The following SH3GL3 variants were observed in gnomAD, a reference collection of about 807,000 sequenced individuals.
SH3GL3 encodes the protein endophilin-A3.
SH3GL3 carries 33 observed loss-of-function variants against 47.7 expected under a neutral mutation model. That is an observed-to-expected ratio of 0.69 (90% confidence interval 0.52 to 0.92). The LOEUF is 0.92. Ranked by LOEUF, SH3GL3 falls within the 40% of genes least tolerant of loss-of-function variation. SH3GL3 has a pLI of 0.00. For missense variants in SH3GL3, 363 were observed against 417.8 expected (o/e 0.87, Z 1.14); for synonymous variants, 155 against 148.8 (o/e 1.04, Z -0.30).
chr15:83,513,334 A>T (rs1357721750), intron 1 of SH3GL3, among the ~76,000 whole-genome samples: 1 of 152,182 alleles, frequency 6.6e-6, no homozygotes, highest in Non-Finnish European at 1.5e-5. Context: ...AGGCCATGGA[A>T]AGATAAGGCA....
At chr15:83,576,297 A>G (rs2059674826) in intron 5 of SH3GL3, among the ~76,000 whole-genome samples, 1 of 152,218 alleles carries the variant, frequency 6.6e-6, no homozygotes, top group Non-Finnish European at 1.5e-5. Context: ...ACGTTGGAAA[A>G]TAATATCTGA....
At chr15:83,590,327 CTT>C (rs149364376) in intron 8 of SH3GL3, among the ~76,000 whole-genome samples, 3,687 of 152,080 alleles carry the variant, frequency 0.024, 166 homozygotes, top group African/African-American at 0.083. Context: ...TTGCTTGTGA[CTT>C]TACATTTTGT....
At position 83,448,236 on chromosome 15, in the gene SH3GL3, C is replaced by A. The variant is rs72758393; in HGVS notation, c.45+658C>A. ...TGCAGGGGAGACACGGAGACAGACACGTAAACAAACAGTGCTAGACACACC... is the reference window on the plus strand; with the variant it reads ...TGCAGGGGAGACACGGAGACAGACAAGTAAACAAACAGTGCTAGACACACC... On this transcript the variant is annotated intron_variant, in intron 1 of 8. Transcript: ENST00000427482. The surrounding 1 kb of genome is among the most constrained non-coding windows in gnomAD (Gnocchi z 4.2). 0.03 allele frequency among the ~76,000 whole-genome samples: 4,534 copies of A among 152,228 alleles called. 108 individuals carry two copies. Among genetic ancestry groups the A allele is most frequent in the Non-Finnish European group, 0.043 (2,927 of 68,018 alleles).
chr15:83,527,475 G>A (rs193177444), intron 1 of SH3GL3, among the ~76,000 whole-genome samples: 3 of 151,898 alleles, frequency 2.0e-5, no homozygotes, highest in Non-Finnish European at 4.4e-5. Flanking sequence ...GATGTTCTTT[G>A]TTTCCTTTTA....
At chr15:83,630,353 C>T in the SH3GL3 span, among the ~76,000 whole-genome samples, 5 of 152,134 alleles carry the variant, frequency 3.3e-5, no homozygotes, top group Middle Eastern at 3.2e-3. Context: ...TAAAATTAAA[C>T]ATTTTTGCTC....
At chr15:83,567,724 G>A (rs1292460783) in intron 3 of SH3GL3, among the ~76,000 whole-genome samples, 2 of 152,074 alleles carry the variant, frequency 1.3e-5, no homozygotes, top group Non-Finnish European at 2.9e-5. Flanking sequence ...GTGCGTGCGC[G>A]CGCATGTGGT....
At chr15:83,597,830 G>A (rs907440087) in intron 8 of SH3GL3, among the ~76,000 whole-genome samples, 6 of 152,064 alleles carry the variant, frequency 3.9e-5, no homozygotes, top group Admixed American at 6.6e-5. Context: ...GGCTGGTTGC[G>A]AACTCCTGAC....
chr15:83,478,052 G>T (rs763385185), intron 1 of SH3GL3, among the ~76,000 whole-genome samples: 1 of 152,132 alleles, frequency 6.6e-6, no homozygotes, highest in African/African-American at 2.4e-5. Flanking sequence ...TGTGAGGTGG[G>T]TGAGGGAGAT....
At chr15:83,558,050 C>T (rs2045053576) in intron 1 of SH3GL3, among the ~76,000 whole-genome samples, 1 of 152,206 alleles carries the variant, frequency 6.6e-6, no homozygotes, top group Non-Finnish European at 1.5e-5. Flanking sequence ...GTATTTAAAA[C>T]AACCTGCCAT....
At chr15:83,589,116 T>C (rs967555211) in intron 8 of SH3GL3, among the ~76,000 whole-genome samples, 1 of 152,222 alleles carries the variant, frequency 6.6e-6, no homozygotes, top group African/African-American at 2.4e-5. Flanking sequence ...TCTTAAGTGC[T>C]GCATCGTTAT....
chr15:83,512,980 A>T (rs893679457), intron 1 of SH3GL3, among the ~76,000 whole-genome samples: 1 of 152,220 alleles, frequency 6.6e-6, no homozygotes, highest in African/African-American at 2.4e-5. Context: ...ATATATTTAC[A>T]TAGGTCTCAT....
intron 1 of SH3GL3, among the ~76,000 whole-genome samples, chr15:83,499,598 T>C (rs373398140): frequency 6.6e-6 from 1 of 152,344 alleles, no homozygotes; most frequent in East Asian, 1.9e-4. Flanking sequence ...GAAACAAATG[T>C]CATTCACTAA....
At chr15:83,491,106 T>C (rs1177168552) in intron 1 of SH3GL3, among the ~76,000 whole-genome samples, 1 of 152,196 alleles carries the variant, frequency 6.6e-6, no homozygotes, top group African/African-American at 2.4e-5. Flanking sequence ...CCGAGAATCC[T>C]GTGGGTACAG....
chr15:83,588,923 C>T (rs770836720), intron 8 of SH3GL3, 152 bp downstream of exon 8: 7 of 593,804 alleles, frequency 1.2e-5, no homozygotes, highest in Admixed American at 1.2e-4. Context: ...CCTAAACGTG[C>T]CCCTTTTTTC....
At chr15:83,602,375 G>T (rs1455894982) in intron 8 of SH3GL3, among the ~76,000 whole-genome samples, 1 of 152,148 alleles carries the variant, frequency 6.6e-6, no homozygotes, top group Non-Finnish European at 1.5e-5. Flanking sequence ...ACAGTCTGGA[G>T]GCTGAGATGT....
intron 1 of SH3GL3, among the ~76,000 whole-genome samples, chr15:83,463,754 GCTTT>G (rs1233590511): frequency 1.4e-4 from 15 of 109,506 alleles, no homozygotes; most frequent in African/African-American, 4.3e-4. Flanking sequence ...TCCCATGTCT[GCTTT>G]CTTTCTTTCT....
chr15:83,521,098 C>T (rs1022178707), intron 1 of SH3GL3, among the ~76,000 whole-genome samples: 1 of 152,152 alleles, frequency 6.6e-6, no homozygotes, highest in African/African-American at 2.4e-5. Context: ...TTTATTCTTC[C>T]CTTTCCAGTC....
At chr15:83,573,077 C>G (rs2059581944) in intron 5 of SH3GL3, among the ~76,000 whole-genome samples, 1 of 152,158 alleles carries the variant, frequency 6.6e-6, no homozygotes, top group Non-Finnish European at 1.5e-5. Flanking sequence ...CATTATTTTC[C>G]ATTACTTCTC....
intron 1 of SH3GL3, among the ~76,000 whole-genome samples, chr15:83,541,171 TTGA>T (rs2041867312): frequency 6.6e-6 from 1 of 152,174 alleles, no homozygotes; most frequent in South Asian, 2.1e-4. Context: ...CATTCATCTG[TTGA>T]TGGACACTTA....
Sources: gnomAD v4.1 joint callset for allele counts (sites outside exome capture counted in the v4.1 genomes callset) on GRCh38, gnomAD v4.1.1 for gene constraint, Gnocchi (gnomAD v3.1) non-coding constraint, MANE v1.5 for transcripts, NCBI Gene and HGNC (gene_info 2026-07-23, HGNC 2026-07-21) for gene names.